SEMA6D: variants seen among roughly 807,000 people sequenced by gnomAD.
SEMA6D encodes semaphorin-6D.
Under a neutral mutation model 106.6 loss-of-function variants are expected in SEMA6D, and 35 were observed. The observed-to-expected ratio is 0.33, with a 90% CI of 0.25 to 0.44. SEMA6D has a LOEUF of 0.44. SEMA6D is among the 20% of genes least tolerant of loss of function. SEMA6D has a pLI of 1.00. For missense variants in SEMA6D, 1,185 were observed against 1,345.9 expected (o/e 0.88, Z 1.87); for synonymous variants, 499 against 487.7 (o/e 1.02, Z -0.31).
At chr15:47,463,388 C>A (rs773941866) in intron 2 of SEMA6D, among the ~76,000 whole-genome samples, 4 of 152,194 alleles carry the variant, frequency 2.6e-5, no homozygotes, top group Non-Finnish European at 5.9e-5. Context: ...GTTCTCTTGA[C>A]TCAATTCGTA....
chr15:47,731,759 A>C (rs1453903459), intron 1 of SEMA6D, among the ~76,000 whole-genome samples: 1 of 152,216 alleles, frequency 6.6e-6, no homozygotes, highest in Non-Finnish European at 1.5e-5. Flanking sequence ...AAGATTCAAA[A>C]TATATGATAA....
intron 1 of SEMA6D, among the ~76,000 whole-genome samples, chr15:47,327,140 C>T (rs2037163306): frequency 6.6e-6 from 1 of 152,176 alleles, no homozygotes; most frequent in South Asian, 2.1e-4. Context: ...ACTGGGCCAG[C>T]ATCCTGGCTT....
intron 3 of SEMA6D, among the ~76,000 whole-genome samples, chr15:47,519,305 G>A (rs779853628): frequency 1.6e-4 from 24 of 152,140 alleles, no homozygotes; most frequent in African/African-American, 2.2e-4. Context: ...TGAGTAATGC[G>A]TTGCAATACG....
At chr15:47,345,680 A>T (rs2038016871) in intron 1 of SEMA6D, among the ~76,000 whole-genome samples, 1 of 152,182 alleles carries the variant, frequency 6.6e-6, no homozygotes, top group Non-Finnish European at 1.5e-5. Flanking sequence ...CAAAAGCATG[A>T]CCCATAAAGG....
At chr15:47,419,383 A>G (rs2041079267) in intron 2 of SEMA6D, among the ~76,000 whole-genome samples, 1 of 152,142 alleles carries the variant, frequency 6.6e-6, no homozygotes, top group Admixed American at 6.6e-5. Flanking sequence ...GAAAATGGCC[A>G]AAAATTAAAT....
Position 47,589,819 on chromosome 15 carries a change from A to G in SEMA6D, c.-86-11046A>G, listed in dbSNP as rs560055271. 1.7e-3 allele frequency among the ~76,000 whole-genome samples: 252 copies of G among 152,314 alleles called. 2 individuals carry two copies. The highest frequency in any genetic ancestry group is 5.7e-3 in the African/African-American group (236 of 41,572). ...GTGTTGGCAGAAGCCAAATTGTAGT[A>G]GGTTGAGTAGATTTGAGTAAAGAAA... On this transcript the variant is annotated intron_variant, in intron 3 of 19. Transcript: ENST00000558014.
chr15:47,578,658 C>G (rs1026182506), intron 3 of SEMA6D, among the ~76,000 whole-genome samples: 1 of 152,076 alleles, frequency 6.6e-6, no homozygotes, highest in Non-Finnish European at 1.5e-5. Flanking sequence ...TATATGCCAC[C>G]TATATGGCAC....
intron 2 of SEMA6D, among the ~76,000 whole-genome samples, chr15:47,469,879 T>A (rs752165706): frequency 2.5e-4 from 38 of 152,198 alleles, no homozygotes; most frequent in Non-Finnish European, 4.7e-4. Flanking sequence ...AACCATTTTA[T>A]AAGGAAATAC....
At chr15:47,511,800 GA>G (rs2044241453) in intron 3 of SEMA6D, among the ~76,000 whole-genome samples, 2 of 152,070 alleles carry the variant, frequency 1.3e-5, no homozygotes, top group Non-Finnish European at 2.9e-5. Context: ...ATGGGAGGAG[GA>G]GATCATTGAA....
chr15:47,691,574 T>A (rs149749532), intron 4 of SEMA6D, among the ~76,000 whole-genome samples: 228 of 152,260 alleles, frequency 1.5e-3, no homozygotes, highest in Non-Finnish European at 2.7e-3. Context: ...CTATCTTGCA[T>A]GATTGATTTG....
Position 47,378,698 on chromosome 15 carries a change from T to G in SEMA6D, c.-238-33695T>G, listed in dbSNP as rs75204141. On this transcript the variant is annotated intron_variant, in intron 1 of 19. Coordinates refer to the SEMA6D transcript ENST00000558014. Reference sequence around the variant, plus strand: ...TTTGGAAAGATAAAATTCTGCTAAATGAATCCAGATTTGACTTAATCAGTT... The same window carrying G: ...TTTGGAAAGATAAAATTCTGCTAAAGGAATCCAGATTTGACTTAATCAGTT... Among the ~76,000 whole-genome samples the G allele has an allele frequency of 5.6e-3, 846 of 152,310 alleles. 7 individuals carry two copies. The highest frequency in any genetic ancestry group is 0.02 in the African/African-American group (811 of 41,552).
chr15:47,212,604 G>A (rs976821209), intron 1 of SEMA6D, among the ~76,000 whole-genome samples: 1 of 152,140 alleles, frequency 6.6e-6, no homozygotes, highest in Non-Finnish European at 1.5e-5. Context: ...TCCACTTTCT[G>A]TAATTCTATT....
intron 1 of SEMA6D, among the ~76,000 whole-genome samples, chr15:47,271,476 G>C (rs963041245): frequency 6.6e-6 from 1 of 152,112 alleles, no homozygotes; most frequent in Admixed American, 6.6e-5. Flanking sequence ...GGAACATAGG[G>C]CTCAGGTAAA....
At chr15:47,521,964 G>C (rs1596230861) in intron 3 of SEMA6D, among the ~76,000 whole-genome samples, 1 of 149,888 alleles carries the variant, frequency 6.7e-6, no homozygotes, top group East Asian at 2.0e-4. Context: ...CAGCCTGGGG[G>C]ACAGAGCGAG....
intron 4 of SEMA6D, among the ~76,000 whole-genome samples, chr15:47,635,923 G>T (rs1314208418): frequency 7.0e-6 from 1 of 142,446 alleles, no homozygotes; most frequent in Admixed American, 7.3e-5. Flanking sequence ...GACTGCACCT[G>T]ACCAAAAAAT....
intron 4 of SEMA6D, among the ~76,000 whole-genome samples, chr15:47,703,041 G>A (rs933344846): frequency 6.6e-6 from 1 of 152,130 alleles, no homozygotes; most frequent in Non-Finnish European, 1.5e-5. Flanking sequence ...CAGATGGAAA[G>A]ATTTTGTACA....
intron 1 of SEMA6D, among the ~76,000 whole-genome samples, chr15:47,381,023 T>G (rs981534891): frequency 3.3e-5 from 5 of 152,190 alleles, no homozygotes; most frequent in African/African-American, 1.2e-4. Context: ...AAAAACATCT[T>G]TGTGGCCAGA....
intron 3 of SEMA6D, among the ~76,000 whole-genome samples, chr15:47,531,297 T>G (rs1386924540): frequency 1.3e-5 from 2 of 152,246 alleles, no homozygotes; most frequent in African/African-American, 4.8e-5. Context: ...GATTGTGGTT[T>G]AAAGTGCAAA....
At chr15:47,284,262 T>TA (rs2035258754) in intron 1 of SEMA6D, among the ~76,000 whole-genome samples, 1 of 152,206 alleles carries the variant, frequency 6.6e-6, no homozygotes, top group Non-Finnish European at 1.5e-5. Flanking sequence ...TGGTGACAGT[T>TA]AAACACTTGT....
Sources: gnomAD v4.1 joint callset for allele counts (sites outside exome capture counted in the v4.1 genomes callset) on GRCh38, gnomAD v4.1.1 for gene constraint, MANE v1.5 for transcripts, NCBI Gene and HGNC (gene_info 2026-07-23, HGNC 2026-07-21) for gene names.